NELL1: variants seen among roughly 807,000 people sequenced by gnomAD.
NELL1 encodes the protein protein kinase C-binding protein NELL1.
Under a neutral mutation model 107.4 loss-of-function variants are expected in NELL1, and 76 were observed. The ratio of observed to expected loss-of-function variants is 0.71; its 90% confidence interval spans 0.59 to 0.86. The LOEUF (loss-of-function observed/expected upper bound fraction) is 0.86, where lower values mean the gene tolerates loss of function less well. Ranked by LOEUF, NELL1 falls within the 40% of genes least tolerant of loss-of-function variation. The probability of loss-of-function intolerance (pLI) is 0.00; values close to 1 mark genes in which losing one functional copy is unlikely to be tolerated. For missense variants in NELL1, 1,024 were observed against 1,005.5 expected (o/e 1.02, Z -0.25); for synonymous variants, 353 against 341.2 (o/e 1.03, Z -0.38).
At chr11:20,770,709 A>G (rs1327437377) in intron 2 of NELL1, 1 of 152,224 alleles carries the variant, frequency 6.6e-6, no homozygotes, top group Non-Finnish European at 1.5e-5. Context: ...AAAGGAGCTG[A>G]AAAGAAAGCA....
At chr11:20,807,066 T>G (rs7936661) in intron 3 of NELL1, among the ~76,000 whole-genome samples, 35,330 of 151,706 alleles carry the variant, frequency 0.23, 4,434 homozygotes, top group African/African-American at 0.31. Flanking sequence ...TTTTTTTTTT[T>G]TTGTTGGGGT....
intron 14 of NELL1, among the ~76,000 whole-genome samples, chr11:21,319,458 G>A (rs1326858656): frequency 6.7e-6 from 1 of 148,776 alleles, no homozygotes; most frequent in Non-Finnish European, 1.5e-5. Flanking sequence ...CCAAAGTGCT[G>A]GGATTACAGG....
At chr11:21,256,157 C>A (rs1179839046) in intron 14 of NELL1, among the ~76,000 whole-genome samples, 2 of 152,022 alleles carry the variant, frequency 1.3e-5, no homozygotes, top group Non-Finnish European at 2.9e-5. Flanking sequence ...TCCAACACGA[C>A]CATTCATGTT....
rs1213824421 is a variant in NELL1, at chr11:21,560,128, G to GTTGT, written c.1787-55_1787-52dup. 6 of 1,494,856 alleles carry GTTGT rather than the reference G, an allele frequency of 4.0e-6. No individual in the cohort carries two copies. In the African/African-American group the frequency reaches 5.5e-5, roughly 14 times the overall value. The allele number at this position is 1,494,856 out of a possible 1,614,324, so 92.6% of individuals were successfully genotyped here. ...TTAGTTAATGCTACTGCAAATGATG[G>GTTGT]TTGTTTGTTCTCTAAGTTCCCTTGG... On this transcript the variant is annotated intron_variant, in intron 16 of 19. Coordinates refer to ENST00000357134, the MANE Select transcript of NELL1 (RefSeq NM_006157.5).
In NELL1 at chr11:20,707,951, A is replaced by G. The variant is rs182074303; in HGVS notation, c.184+29891A>G. On this transcript the variant is annotated intron_variant, in intron 2 of 19. Coordinates refer to ENST00000357134, the MANE Select transcript of NELL1 (RefSeq NM_006157.5). ...TATGCCCTGCCCCCAGAGCTGGAGT[A>G]TACAGGGGCAGGCAGGCCTGCCTGA... 5.1e-4 allele frequency among the ~76,000 whole-genome samples: 78 copies of G among 152,324 alleles called. 1 individual carries two copies. In the East Asian group the frequency reaches 0.013, roughly 25 times the overall value.
intron 12 of NELL1, among the ~76,000 whole-genome samples, chr11:21,052,631 G>A (rs1202414270): frequency 6.6e-6 from 1 of 152,126 alleles, no homozygotes; most frequent in Non-Finnish European, 1.5e-5. Context: ...GAAATAAAGT[G>A]GGTTATATTT....
At position 21,235,035 on chromosome 11, in the gene NELL1, G is replaced by A. The variant is rs796809030; in HGVS notation, c.1549+5581G>A. Among the ~76,000 whole-genome samples the A allele has an allele frequency of 1.6e-4, 25 of 152,288 alleles. 2 individuals are homozygous for A. Among genetic ancestry groups the A allele is most frequent in the African/African-American group, 5.8e-4 (24 of 41,562 alleles). ...GATGAAATTTGGGGAGTTTGAAGAA[G>A]CAAGTGGAATAGGAAGCCTTTGGCA... On this transcript the variant is annotated intron_variant, in intron 14 of 19. Coordinates refer to ENST00000357134, the MANE Select transcript of NELL1 (RefSeq NM_006157.5).
chr11:21,141,789 G>A (rs568327798), intron 13 of NELL1, among the ~76,000 whole-genome samples: 48 of 150,472 alleles, frequency 3.2e-4, no homozygotes, highest in African/African-American at 9.9e-4. Context: ...TTGAGGTGGA[G>A]TTTTGCTCCT....
chr11:21,501,757 A>G (rs952117024), intron 15 of NELL1, among the ~76,000 whole-genome samples: 1 of 152,160 alleles, frequency 6.6e-6, no homozygotes, highest in Non-Finnish European at 1.5e-5. Context: ...TATTCACAGG[A>G]GTGATCTGTT....
At chr11:21,250,950 G>A (rs115100432) in intron 14 of NELL1, among the ~76,000 whole-genome samples, 162 of 152,142 alleles carry the variant, frequency 1.1e-3, no homozygotes, top group African/African-American at 3.1e-3. Flanking sequence ...CTGGGTTTTC[G>A]TCCTGGCTCA....
At chr11:21,115,288 C>T (rs1855205753) in intron 13 of NELL1, among the ~76,000 whole-genome samples, 1 of 151,400 alleles carries the variant, frequency 6.6e-6, no homozygotes, top group Non-Finnish European at 1.5e-5. Flanking sequence ...CTTCTCCCCC[C>T]TACACAGGAA....
intron 14 of NELL1, among the ~76,000 whole-genome samples, chr11:21,359,506 T>C (rs1851022915): frequency 6.6e-6 from 1 of 152,206 alleles, no homozygotes; most frequent in Non-Finnish European, 1.5e-5. Context: ...ATTAGGGTAA[T>C]ACTGGCTTCA....
intron 15 of NELL1, among the ~76,000 whole-genome samples, chr11:21,434,731 T>G (rs1044392183): frequency 6.6e-6 from 1 of 152,152 alleles, no homozygotes; most frequent in African/African-American, 2.4e-5. Flanking sequence ...TCTGCTTTCA[T>G]AAAGAATGTT....
intron 16 of NELL1, among the ~76,000 whole-genome samples, chr11:21,550,179 G>A (rs550230190): frequency 3.3e-5 from 5 of 152,036 alleles, no homozygotes; most frequent in East Asian, 2.0e-4. Flanking sequence ...TCCTAGTGAT[G>A]TGACCTTGAG....
intron 2 of NELL1, among the ~76,000 whole-genome samples, chr11:20,743,772 A>G (rs1671382272): frequency 6.6e-6 from 1 of 152,106 alleles, no homozygotes; most frequent in Admixed American, 6.6e-5. Flanking sequence ...TCATCTGTAC[A>G]CTGATGACAC....
At chr11:21,209,079 G>A (rs1366101612) in intron 13 of NELL1, among the ~76,000 whole-genome samples, 1 of 152,060 alleles carries the variant, frequency 6.6e-6, no homozygotes, top group Admixed American at 6.6e-5. Flanking sequence ...GGGCACAAAG[G>A]AGTCCAATAA....
chr11:20,936,715 A>C (rs1850733503), intron 9 of NELL1, among the ~76,000 whole-genome samples: 1 of 152,216 alleles, frequency 6.6e-6, no homozygotes, highest in Non-Finnish European at 1.5e-5. Flanking sequence ...CTATATTACC[A>C]GTTAGCATGT....
At chr11:21,156,190 G>T (rs1181539450) in intron 13 of NELL1, among the ~76,000 whole-genome samples, 1 of 152,132 alleles carries the variant, frequency 6.6e-6, no homozygotes, top group Non-Finnish European at 1.5e-5. Context: ...GACTGAAGCT[G>T]CAGAAAACAC....
At position 20,893,855 on chromosome 11, in the gene NELL1, T is replaced by TAAAA. The variant is rs10658756; in HGVS notation, c.603+8328_603+8331dup. Among the ~76,000 whole-genome samples, 438 of 127,102 alleles carry TAAAA rather than the reference T, an allele frequency of 3.4e-3. 2 individuals carry two copies. The highest frequency in any genetic ancestry group is 0.017 in the East Asian group (73 of 4,288). The allele number at this position is 127,102 out of a possible 152,430, so 83.4% of individuals were successfully genotyped here. A position where few individuals can be genotyped will look rare whatever the true frequency, so the allele number is the denominator to read the frequency against. On this transcript the variant is annotated intron_variant, in intron 5 of 19. Coordinates refer to ENST00000357134, the MANE Select transcript of NELL1 (RefSeq NM_006157.5). ...TCATAAATGTTGATAGTGAGGTAGT[T>TAAAA]AAAAAAAAAAAAAAAAGAAAAATAG... is the stretch of plus-strand genomic sequence containing the variant.
Sources: gnomAD v4.1 joint callset for allele counts (sites outside exome capture counted in the v4.1 genomes callset) on GRCh38, gnomAD v4.1.1 for gene constraint, MANE v1.5 for transcripts, NCBI Gene and HGNC (gene_info 2026-07-23, HGNC 2026-07-21) for gene names.